The following CPAP variants were observed in gnomAD, a reference collection of about 807,000 sequenced individuals.
CPAP encodes the protein centrosome assembly and centriole elongation protein, also known as centrosomal P4.1-associated protein.
the CPAP span, chr13:24,909,831 T>C: frequency 1.2e-6 from 2 of 1,613,748 alleles, no homozygotes; most frequent in Non-Finnish European, 1.7e-6. Context: ...ATTATTTTTT[T>C]CCACAGGTGC....
chr13:24,887,425 T>G, the CPAP span, among the ~76,000 whole-genome samples: 1 of 152,188 alleles, frequency 6.6e-6, no homozygotes, highest in African/African-American at 2.4e-5. Context: ...CATTACCACC[T>G]GAGCTCCACC....
the CPAP span, among the ~76,000 whole-genome samples, chr13:24,911,589 A>T: frequency 2.6e-5 from 4 of 152,114 alleles, no homozygotes; most frequent in Non-Finnish European, 5.9e-5. Context: ...GCTGGAATGC[A>T]GTGGTGCCAT....
At chr13:24,913,341 T>C in the CPAP span, among the ~76,000 whole-genome samples, 1 of 152,114 alleles carries the variant, frequency 6.6e-6, no homozygotes, top group Non-Finnish European at 1.5e-5. Context: ...ATACAAGTGC[T>C]AGATTAGCTG....
At chr13:24,884,067 A>C in the CPAP span, 10 of 1,612,080 alleles carry the variant, frequency 6.2e-6, no homozygotes, top group Non-Finnish European at 8.5e-6. Flanking sequence ...CTTTTCTTCC[A>C]TCTGGGTAAT....
chr13:24,906,898 T>C, the CPAP span: 1 of 1,614,094 alleles, frequency 6.2e-7, no homozygotes, highest in South Asian at 1.1e-5. Flanking sequence ...TAGCTAAACC[T>C]TCTCCTCGTT....
chr13:24,896,072 A>C, the CPAP span, among the ~76,000 whole-genome samples: 42 of 152,360 alleles, frequency 2.8e-4, no homozygotes, highest in African/African-American at 1.0e-3. Context: ...TTTTTAAAGT[A>C]TATTTTTGCA....
chr13:24,885,878 C>G, the CPAP span: 1 of 564,070 alleles, frequency 1.8e-6, no homozygotes, highest in Admixed American at 3.0e-5. Context: ...TATCTTGTCT[C>G]AGAGTTTACA....
At chr13:24,925,762 G>C in the CPAP span, 1 of 152,688 alleles carries the variant, frequency 6.5e-6, no homozygotes, top group South Asian at 2.1e-4. Flanking sequence ...GCTGAAGGCA[G>C]CTGTTTTCTG....
chr13:24,904,740 T>A, the CPAP span, among the ~76,000 whole-genome samples: 1 of 152,220 alleles, frequency 6.6e-6, no homozygotes, highest in African/African-American at 2.4e-5. Context: ...ACTTTTAAAA[T>A]CAGAATTTTT....
the CPAP span, chr13:24,883,119 T>C: frequency 5.0e-6 from 7 of 1,392,472 alleles, no homozygotes; most frequent in Admixed American, 8.4e-5. Context: ...CCACAGTAAA[T>C]GTACATTTTT....
At chr13:24,924,756 T>C in the CPAP span, 1 of 152,234 alleles carries the variant, frequency 6.6e-6, no homozygotes, top group Non-Finnish European at 1.5e-5. Flanking sequence ...AGGGCACTCC[T>C]ATGTCATGGT....
At chr13:24,891,621 G>C in the CPAP span, among the ~76,000 whole-genome samples, 3 of 152,098 alleles carry the variant, frequency 2.0e-5, no homozygotes, top group East Asian at 5.8e-4. Context: ...ACCCGCCACT[G>C]CCACCCAGTC....
the CPAP span, among the ~76,000 whole-genome samples, chr13:24,930,602 A>G: frequency 6.6e-6 from 1 of 152,224 alleles, no homozygotes; most frequent in Non-Finnish European, 1.5e-5. Flanking sequence ...GCTTAGAACA[A>G]TGGCCTCCAG....
chr13:24,909,845 T>C, the CPAP span: 879 of 1,614,026 alleles, frequency 5.4e-4, 14 homozygotes, highest in South Asian at 9.3e-3. Flanking sequence ...CAGGTGCTTC[T>C]TGATACTGTG....
the CPAP span, among the ~76,000 whole-genome samples, chr13:24,915,385 C>T: frequency 2.6e-5 from 4 of 152,208 alleles, no homozygotes; most frequent in African/African-American, 9.6e-5. Flanking sequence ...CAGCTGGGTG[C>T]ACTAGAATGG....
chr13:24,904,161 G>T, the CPAP span: 2 of 1,318,486 alleles, frequency 1.5e-6, no homozygotes, highest in Non-Finnish European at 1.1e-6. Context: ...GCAAACATCT[G>T]TGCTATTAAA....
At chr13:24,925,061 C>G in the CPAP span, among the ~76,000 whole-genome samples, 1 of 152,222 alleles carries the variant, frequency 6.6e-6, no homozygotes, top group African/African-American at 2.4e-5. Flanking sequence ...CAAAGCCTAG[C>G]TCTGTGGGTC....
chr13:24,906,577 G>C, the CPAP span: 75 of 1,613,966 alleles, frequency 4.6e-5, no homozygotes, highest in Middle Eastern at 1.6e-4. Context: ...ATTTGATCTG[G>C]TCTCTAAACT....
the CPAP span, chr13:24,884,169 C>T: frequency 1.1e-5 from 18 of 1,613,958 alleles, no homozygotes; most frequent in Admixed American, 2.8e-4. Context: ...ACCTATTTGT[C>T]CACTTGAGAA....
Sources: allele counts gnomAD v4.1 joint callset (sites outside exome capture counted in the v4.1 genomes callset), GRCh38; gene constraint gnomAD v4.1.1; transcripts MANE v1.5; gene names NCBI Gene and HGNC (gene_info 2026-07-23, HGNC 2026-07-21).